Variants in NRG2 observed in about 807,000 individuals in gnomAD.
NRG2 encodes the protein neuregulin 2.
NRG2 carries 27 observed loss-of-function variants against 73.9 expected under a neutral mutation model. That is an observed-to-expected ratio of 0.37 (90% confidence interval 0.27 to 0.50). The LOEUF is 0.50. NRG2 is among the 20% of genes least tolerant of loss of function. NRG2 has a pLI of 0.96. For synonymous variants in NRG2, 532 were observed against 541.0 expected (o/e 0.98, Z 0.23); for missense variants, 1,126 against 1,210.1 (o/e 0.93, Z 1.03).
chr5:140,024,555 A>G (rs752194455), intron 1 of NRG2, among the ~76,000 whole-genome samples: 23 of 152,102 alleles, frequency 1.5e-4, no homozygotes, highest in Non-Finnish European at 3.2e-4. Context: ...GCCCCCGGCC[A>G]GAGTAAAGTG....
At chr5:139,991,624 T>C (rs1305109653) in intron 1 of NRG2, among the ~76,000 whole-genome samples, 2 of 152,158 alleles carry the variant, frequency 1.3e-5, no homozygotes, top group African/African-American at 4.8e-5. Context: ...CTCAAACTCC[T>C]GACCTCTGGT....
chr5:139,873,692 C>T (rs1364512083), intron 3 of NRG2, among the ~76,000 whole-genome samples: 1 of 152,258 alleles, frequency 6.6e-6, no homozygotes, highest in Non-Finnish European at 1.5e-5. Context: ...ATCTGCCAGG[C>T]CCAGCCTGGT....
chr5:139,940,926 C>T (rs957531144), intron 1 of NRG2, among the ~76,000 whole-genome samples: 9 of 151,992 alleles, frequency 5.9e-5, no homozygotes, highest in African/African-American at 2.2e-4. Flanking sequence ...TGGTGGACAG[C>T]GTCAGTAAAT....
At position 139,871,846 on chromosome 5, in the gene NRG2, G is replaced by A. The variant is rs1188141152; in HGVS notation, c.992-5C>T. ...AGGATGACAGGGTGGTGCTCACTGA[G>A]GGTATGAGAGACATGTGCCAGTGAC... On this transcript the variant is annotated splice_polypyrimidine_tract_variant and splice_region_variant and intron_variant, in intron 3 of 9. Coordinates refer to ENST00000361474, the MANE Select transcript of NRG2 (RefSeq NM_004883.3). 1.2e-6 allele frequency: 2 copies of A among 1,613,590 alleles called. No homozygotes were observed. The highest frequency in any genetic ancestry group is 1.1e-5 in the South Asian group (1 of 91,012).
At chr5:139,854,269 T>C (rs913861054) in intron 6 of NRG2, among the ~76,000 whole-genome samples, 1 of 152,242 alleles carries the variant, frequency 6.6e-6, no homozygotes, top group Non-Finnish European at 1.5e-5. Context: ...TCACCTGGAA[T>C]ACTTTCTCTC....
chr5:139,906,996 T>C (rs952514939), intron 1 of NRG2, among the ~76,000 whole-genome samples: 2 of 152,062 alleles, frequency 1.3e-5, no homozygotes, highest in South Asian at 4.2e-4. Context: ...TGTGTGTGCG[T>C]GTGTGTGCAT....
At chr5:139,991,470 T>G (rs1757625084) in intron 1 of NRG2, among the ~76,000 whole-genome samples, 2 of 152,004 alleles carry the variant, frequency 1.3e-5, no homozygotes, top group Admixed American at 1.3e-4. Context: ...TTAATATAAC[T>G]ATTATCTGAG....
At chr5:140,006,328 T>C (rs1758898847) in intron 1 of NRG2, among the ~76,000 whole-genome samples, 1 of 152,234 alleles carries the variant, frequency 6.6e-6, no homozygotes, top group Non-Finnish European at 1.5e-5. Context: ...TGCCCCAATT[T>C]GGCTCTCTCC....
intron 1 of NRG2, among the ~76,000 whole-genome samples, chr5:139,963,592 C>A (rs556467441): frequency 6.6e-6 from 1 of 152,324 alleles, no homozygotes; most frequent in African/African-American, 2.4e-5. Context: ...AGCCACCATG[C>A]CAAACACTTT....
intron 1 of NRG2, among the ~76,000 whole-genome samples, chr5:139,917,947 T>C (rs549889191): frequency 1.5e-4 from 23 of 152,350 alleles, no homozygotes; most frequent in African/African-American, 4.6e-4. Flanking sequence ...TATGGTGTCA[T>C]ATCTTAGAAA....
intron 1 of NRG2, among the ~76,000 whole-genome samples, chr5:139,972,117 T>TA (rs1354396502): frequency 6.6e-6 from 1 of 152,208 alleles, no homozygotes; most frequent in East Asian, 1.9e-4. Flanking sequence ...AGTGCGTATA[T>TA]AAAATGTAAT....
At position 139,848,471 on chromosome 5, in the gene NRG2, CGGGCCCGGGCCCGGGCCCGGGTCCG is replaced by C. The variant is rs1761170902; in HGVS notation, c.1974_1998del (p.Gly659AlafsTer99). On this transcript the variant is annotated frameshift_variant, in exon 10 of 10. Coordinates refer to ENST00000361474, the MANE Select transcript of NRG2 (RefSeq NM_004883.3). LOFTEE classifies it high-confidence loss of function. Reference sequence around the variant, plus strand: ...TCATAGCTGCGCTGCATGTCTGCGCCGGGCCCGGGCCCGGGCCCGGGTCCGGGTCCCGGGCCGGGGGGCGCCGGGT... The same window carrying C: ...TCATAGCTGCGCTGCATGTCTGCGCCGGTCCCGGGCCGGGGGGCGCCGGGT... The C allele has an allele frequency of 3.8e-6, 5 of 1,329,524 alleles. No individual in the cohort carries two copies. The highest frequency in any genetic ancestry group is 3.8e-6 in the Non-Finnish European group (4 of 1,055,018). 82.4% of individuals were successfully genotyped at this position (1,329,524 alleles called of 1,614,324 possible). A position where few individuals can be genotyped will look rare whatever the true frequency, so the allele number is the denominator to read the frequency against.
chr5:139,859,422 A>G (rs1426485945), intron 5 of NRG2, among the ~76,000 whole-genome samples: 1 of 152,174 alleles, frequency 6.6e-6, no homozygotes, highest in Non-Finnish European at 1.5e-5. Flanking sequence ...ATGAACATGG[A>G]AATGGGGAAT....
intron 1 of NRG2, among the ~76,000 whole-genome samples, chr5:139,987,367 CAAAAA>C (rs34895532): frequency 3.0e-5 from 1 of 33,238 alleles, no homozygotes; most frequent in Non-Finnish European, 5.7e-5. Context: ...GACTCTGTCT[CAAAAA>C]AAAAAAAAAA....
At chr5:139,880,437 A>C (rs1175744474) in intron 3 of NRG2, among the ~76,000 whole-genome samples, 4 of 152,116 alleles carry the variant, frequency 2.6e-5, no homozygotes, top group Non-Finnish European at 5.9e-5. Flanking sequence ...CCCATGGCCC[A>C]GTGGAGATGG....
chr5:139,848,770 G>T, intron 9 of NRG2, 73 bp from the exon 10 acceptor site: 7 of 159,412 alleles, frequency 4.4e-5, no homozygotes, highest in East Asian at 1.7e-4. Context: ...TGGGGGTGGG[G>T]TAGGGTGGGA....
Position 139,848,270 on chromosome 5 carries a change from G to C in NRG2, c.2200C>G (p.Arg734Gly). 2 of 1,114,444 alleles carry C rather than the reference G, an allele frequency of 1.8e-6. No homozygotes were observed. Among genetic ancestry groups the C allele is most frequent in the Non-Finnish European group, 2.2e-6 (2 of 914,556 alleles). The allele number at this position is 1,114,444 out of a possible 1,614,324, so 69.0% of individuals were successfully genotyped here. Residue 734 changes from arginine (R) to glycine (G), a missense_variant, in exon 10 of 10, where the codon CGC (arginine) becomes GGC (glycine). By Grantham distance (125) the Arg-to-Gly change is moderately radical. Coordinates refer to ENST00000361474, the MANE Select transcript of NRG2 (RefSeq NM_004883.3). ...PPRPRARGAS[R>G]RTSAGPRRWR... ...CGCCGGGGCCCCGCCGACGTCCTGCGGGACGCACCGCGCGCGCGCGGCCGC... is the reference window on the plus strand; with the variant it reads ...CGCCGGGGCCCCGCCGACGTCCTGCCGGACGCACCGCGCGCGCGCGGCCGC...
At chr5:140,005,686 G>A (rs1246242514) in intron 1 of NRG2, among the ~76,000 whole-genome samples, 1 of 152,158 alleles carries the variant, frequency 6.6e-6, no homozygotes, top group Non-Finnish European at 1.5e-5. Context: ...GCTACCACAT[G>A]TCCACTTTGT....
At chr5:139,891,563 G>A (rs568950391) in intron 1 of NRG2, among the ~76,000 whole-genome samples, 1 of 151,994 alleles carries the variant, frequency 6.6e-6, no homozygotes, top group African/African-American at 2.4e-5. Context: ...GCATCCTACT[G>A]TTAGGGAGCC....
Sources: allele counts gnomAD v4.1 joint callset (sites outside exome capture counted in the v4.1 genomes callset), GRCh38; gene constraint gnomAD v4.1.1; transcripts MANE v1.5; gene names NCBI Gene and HGNC (gene_info 2026-07-23, HGNC 2026-07-21).